Variants in C6orf89 observed in about 807,000 individuals in gnomAD.
C6orf89 encodes chromosome 6 open reading frame 89, also known as bombesin receptor-activated protein C6orf89.
A neutral mutation model predicts 40.7 loss-of-function variants in C6orf89; 29 were observed. That is an observed-to-expected ratio of 0.71 (90% CI 0.53 to 0.97). C6orf89 has a LOEUF of 0.97. C6orf89 is among the 50% of genes least tolerant of loss of function. C6orf89 has a pLI of 0.00. For missense variants in C6orf89, 392 were observed against 429.1 expected, an observed-to-expected ratio of 0.91 and a Z score of 0.76; for synonymous variants, 165 against 152.2, an observed-to-expected ratio of 1.08 and a Z score of -0.62.
intron 1 of C6orf89, 125 bp downstream of exon 1, chr6:36,886,153 A>ATCCCT (rs1774978065): frequency 1.1e-6 from 1 of 899,738 alleles, no homozygotes; most frequent in East Asian, 3.3e-5. Context: ...CCCAGCGCGG[A>ATCCCT]TCCCTTTTCT....
rs1189465144 is a variant in C6orf89, at chr6:36,926,530, C to G, written c.*3089C>G. On this transcript the variant is annotated 3_prime_UTR_variant, in exon 9 of 9. Transcript: ENST00000480824. ...CCTGGGCGACAGAGCGAAACTCTGT[C>G]AAAGGAAAGGAAAGAAAAGAAAAAA... is the stretch of plus-strand genomic sequence containing the variant. The G allele has an allele frequency of 6.3e-5, 7 of 111,680 alleles. No homozygotes were observed. In the Admixed American group the frequency reaches 8.9e-4, roughly 14 times the overall value. The allele number at this position is 111,680 out of a possible 1,614,324, so 6.9% of individuals were successfully genotyped here. A position where few individuals can be genotyped will look rare whatever the true frequency, so the allele number is the denominator to read the frequency against.
intron 3 of C6orf89, among the ~76,000 whole-genome samples, chr6:36,900,601 G>A (rs888211138): frequency 1.3e-5 from 2 of 149,748 alleles, no homozygotes; most frequent in East Asian, 2.0e-4. Context: ...CCAGACTCAG[G>A]TGATCCTCCC....
At chr6:36,895,329 G>GT (rs1390905850) in intron 2 of C6orf89, among the ~76,000 whole-genome samples, 1 of 152,044 alleles carries the variant, frequency 6.6e-6, no homozygotes, top group African/African-American at 2.4e-5. Context: ...ATTTCTGGGG[G>GT]TTTTTTTGGT....
Position 36,911,934 on chromosome 6 carries a change from C to A in C6orf89, c.404-2350C>A, listed in dbSNP as rs575515612. Among the ~76,000 whole-genome samples the A allele has an allele frequency of 5.1e-3, 738 of 145,478 alleles. 36 individuals are homozygous for A. Among genetic ancestry groups the A allele is most frequent in the African/African-American group, 0.017 (698 of 40,096 alleles). ...TTTCACTTCTCATCACAGTGAACCC[C>A]CCCCCCCCGACCTTTTCCCTAAAAA... is the stretch of plus-strand genomic sequence containing the variant. On this transcript the variant is annotated intron_variant, in intron 4 of 8. Transcript: ENST00000480824.
intron 1 of C6orf89, among the ~76,000 whole-genome samples, chr6:36,886,257 G>A (rs1233062844): frequency 6.6e-6 from 1 of 152,194 alleles, no homozygotes; most frequent in Non-Finnish European, 1.5e-5. Flanking sequence ...TGACTCCGCC[G>A]GGGAGAGCAA....
chr6:36,900,868 C>G, intron 3 of C6orf89, among the ~76,000 whole-genome samples: 1 of 144,508 alleles, frequency 6.9e-6, no homozygotes, highest in Admixed American at 6.9e-5. Flanking sequence ...TTTTTTGAGA[C>G]AGAGTTTCAC....
chr6:36,875,925 C>T (rs1401844272), intron 1 of C6orf89, among the ~76,000 whole-genome samples: 1 of 152,244 alleles, frequency 6.6e-6, no homozygotes, highest in African/African-American at 2.4e-5. Context: ...CTAGACAGCT[C>T]CTTGAGAGAG....
intron 1 of C6orf89, among the ~76,000 whole-genome samples, chr6:36,889,608 TG>T (rs1329706431): frequency 6.9e-6 from 1 of 144,950 alleles, no homozygotes; most frequent in Non-Finnish European, 1.5e-5. Context: ...AACCACACAC[TG>T]GGGACTTGTT....
chr6:36,875,986 G>C (rs1774642058), intron 1 of C6orf89, among the ~76,000 whole-genome samples: 1 of 152,256 alleles, frequency 6.6e-6, no homozygotes, highest in East Asian at 1.9e-4. Flanking sequence ...ACAGAGCACA[G>C]GGTGCTCAGC....
intron 4 of C6orf89, among the ~76,000 whole-genome samples, chr6:36,906,954 C>T (rs1478608117): frequency 6.6e-6 from 1 of 152,110 alleles, no homozygotes; most frequent in African/African-American, 2.4e-5. Context: ...TTCTGTGAAT[C>T]CAGATTGCTC....
At chr6:36,879,590 T>C (rs1297109010) in intron 2 of C6orf89, among the ~76,000 whole-genome samples, 1 of 152,216 alleles carries the variant, frequency 6.6e-6, no homozygotes, top group East Asian at 1.9e-4. Flanking sequence ...TTTTGATTAA[T>C]GCAAAAAAAA....
At chr6:36,879,004 T>G (rs75684991) in intron 1 of C6orf89, 1 of 152,302 alleles carries the variant, frequency 6.6e-6, no homozygotes, top group African/African-American at 2.4e-5. Context: ...TTTTCTTTTA[T>G]CAGATGGTGT....
At chr6:36,884,199 T>C (rs1301741854), upstream of C6orf89, among the ~76,000 whole-genome samples, 1 of 151,814 alleles carries the variant, frequency 6.6e-6, no homozygotes, top group Non-Finnish European at 1.5e-5. The surrounding 1 kb of genome is among the most constrained non-coding windows in gnomAD (Gnocchi z 4.0). Context: ...GAGGTGGAGG[T>C]TGTAGTGAGC....
intron 6 of C6orf89, 64 bp from the exon 7 acceptor site, chr6:36,916,381 C>A: frequency 2.5e-6 from 4 of 1,596,960 alleles, no homozygotes; most frequent in Non-Finnish European, 3.4e-6. Context: ...TTACTTGGCT[C>A]TCTCTTAGTC....
At chr6:36,880,154 A>G (rs951935950) in intron 2 of C6orf89, among the ~76,000 whole-genome samples, 1 of 152,268 alleles carries the variant, frequency 6.6e-6, no homozygotes, top group East Asian at 1.9e-4. Context: ...CAGAAATATC[A>G]GCCATTTGGC....
intron 4 of C6orf89, among the ~76,000 whole-genome samples, chr6:36,913,989 C>T (rs1357171300): frequency 1.3e-5 from 2 of 152,074 alleles, no homozygotes; most frequent in East Asian, 3.9e-4. Context: ...GGCAAGACCC[C>T]GTTTCAACTA....
intron 4 of C6orf89, among the ~76,000 whole-genome samples, chr6:36,909,036 A>G (rs549738282): frequency 3.3e-5 from 5 of 152,138 alleles, no homozygotes; most frequent in African/African-American, 9.7e-5. Flanking sequence ...TGGCCACCCT[A>G]TCTCCAAGGT....
rs73732072 is a variant in C6orf89 at position 36,917,860 on chromosome 6, C to T, written c.825+1286C>T. On this transcript the variant is annotated intron_variant, in intron 7 of 8. Transcript: ENST00000480824. ...TGAATACCAAAGTTAATTTCTCCAG[C>T]GTGTGCAACACCAAGGAGCCCAGCC... is the stretch of plus-strand genomic sequence containing the variant. Among the ~76,000 whole-genome samples the T allele has an allele frequency of 6.0e-3, 909 of 152,314 alleles. 5 individuals carry two copies. Among genetic ancestry groups the T allele is most frequent in the Middle Eastern group, 0.054 (16 of 294 alleles).
rs1430309697 is a variant in C6orf89, at chr6:36,918,992, TG to T, written c.826-583del. Among the ~76,000 whole-genome samples, 11 of 152,362 alleles carry T rather than the reference TG, an allele frequency of 7.2e-5. No homozygotes were observed. In the South Asian group the frequency reaches 1.5e-3, roughly 20 times the overall value. On this transcript the variant is annotated intron_variant, in intron 7 of 8. Coordinates refer to ENST00000480824, the MANE Select transcript of C6orf89 (RefSeq NM_001286635.2). Reference sequence around the variant, plus strand: ...CGGTAGCATGGCATATCTGCTCCCCTGGGTCTTGCCAGGCAGTGTAAACTTA... The same window carrying T: ...CGGTAGCATGGCATATCTGCTCCCCTGGTCTTGCCAGGCAGTGTAAACTTA...
Sources: gnomAD v4.1 joint callset for allele counts (sites outside exome capture counted in the v4.1 genomes callset) on GRCh38, gnomAD v4.1.1 for gene constraint, Gnocchi (gnomAD v3.1) non-coding constraint, MANE v1.5 for transcripts, NCBI Gene and HGNC (gene_info 2026-07-23, HGNC 2026-07-21) for gene names.